PLXDC2: variants seen among roughly 807,000 people sequenced by gnomAD.
PLXDC2 encodes plexin domain containing 2, also known as plexin domain-containing protein 2.
A neutral mutation model predicts 68.9 loss-of-function variants in PLXDC2; 40 were observed. That is an observed-to-expected ratio of 0.58 (90% CI 0.45 to 0.76). The LOEUF (loss-of-function observed/expected upper bound fraction) is 0.76. Ranked by LOEUF, PLXDC2 falls within the 30% of genes least tolerant of loss-of-function variation. The pLI is 0.00. For synonymous variants in PLXDC2, 243 were observed against 234.2 expected (o/e 1.04, Z -0.34); for missense variants, 644 against 661.9 (o/e 0.97, Z 0.30).
chr10:20,103,896 G>A (rs1329237788), intron 4 of PLXDC2, among the ~76,000 whole-genome samples: 1 of 152,278 alleles, frequency 6.6e-6, no homozygotes, highest in South Asian at 2.1e-4. Context: ...GCCTGCCTTG[G>A]CCGCCCAAAG....
chr10:19,898,833 A>G (rs1589526016), intron 1 of PLXDC2, among the ~76,000 whole-genome samples: 1 of 152,188 alleles, frequency 6.6e-6, no homozygotes, highest in East Asian at 1.9e-4. Context: ...TTGAAGGGTG[A>G]ATTAAATAAA....
chr10:20,066,648 T>C (rs1836217266), intron 3 of PLXDC2, among the ~76,000 whole-genome samples: 1 of 152,154 alleles, frequency 6.6e-6, no homozygotes, highest in Admixed American at 6.5e-5. Context: ...ATAAAAGTGA[T>C]CATAAACCTT....
At chr10:20,096,967 A>G (rs968008252) in intron 4 of PLXDC2, among the ~76,000 whole-genome samples, 6 of 152,148 alleles carry the variant, frequency 3.9e-5, no homozygotes, top group African/African-American at 1.4e-4. Context: ...TAAAAATTTC[A>G]GAACAACAGT....
At chr10:20,046,280 T>G (rs1018285376) in intron 2 of PLXDC2, among the ~76,000 whole-genome samples, 1 of 152,010 alleles carries the variant, frequency 6.6e-6, no homozygotes, top group Admixed American at 6.6e-5. Context: ...GTCTTGTATA[T>G]TTAACAATTT....
At chr10:20,129,110 A>G (rs192893932) in intron 4 of PLXDC2, among the ~76,000 whole-genome samples, 1 of 152,254 alleles carries the variant, frequency 6.6e-6, no homozygotes, top group African/African-American at 2.4e-5. Flanking sequence ...ACAATGTATA[A>G]GAGTTCCCCT....
At chr10:19,948,331 G>A (rs1055765840) in intron 1 of PLXDC2, among the ~76,000 whole-genome samples, 2 of 151,214 alleles carry the variant, frequency 1.3e-5, no homozygotes, top group Non-Finnish European at 2.9e-5. Flanking sequence ...AAATAAACAA[G>A]ACTATTAACA....
chr10:20,008,940 GTCCA>G (rs1835068473), intron 2 of PLXDC2, among the ~76,000 whole-genome samples: 1 of 152,196 alleles, frequency 6.6e-6, no homozygotes, highest in South Asian at 2.1e-4. Context: ...GGAACTGTGA[GTCCA>G]TTGAATCTCT....
chr10:20,080,328 C>G (rs1190926507), intron 4 of PLXDC2, among the ~76,000 whole-genome samples: 1 of 151,500 alleles, frequency 6.6e-6, no homozygotes, highest in African/African-American at 2.4e-5. Flanking sequence ...GGAGTATTGA[C>G]TCACATGATC....
intron 1 of PLXDC2, among the ~76,000 whole-genome samples, chr10:19,948,706 C>G (rs963731016): frequency 6.6e-5 from 10 of 152,064 alleles, no homozygotes; most frequent in African/African-American, 2.4e-4. Flanking sequence ...CTCTCCAACC[C>G]TCTCTTTTCT....
chr10:20,279,973 A>G lies in PLXDC2; in HGVS notation c.*154A>G. 1 of 620,668 alleles carries G rather than the reference A, an allele frequency of 1.6e-6. No individual in the cohort carries two copies. Among genetic ancestry groups the G allele is most frequent in the Non-Finnish European group, 2.8e-6 (1 of 353,062 alleles). 38.4% of individuals were successfully genotyped at this position (620,668 alleles called of 1,614,324 possible). On this transcript the variant is annotated 3_prime_UTR_variant, in exon 14 of 14. Transcript: ENST00000377252. ...CAAGATTTCTGGACAAGCTCAGCCC[A>G]GGAAACAAAGGGTAAACAAAAAACT...
chr10:19,821,819 C>CA (rs970105471), intron 1 of PLXDC2, among the ~76,000 whole-genome samples: 2 of 152,146 alleles, frequency 1.3e-5, no homozygotes, highest in African/African-American at 4.8e-5. Flanking sequence ...GTGGGACTTT[C>CA]AAAAAATTCA....
chr10:19,851,290 C>A lies in PLXDC2; in HGVS notation c.112+34099C>A, dbSNP rs142645825. Among the ~76,000 whole-genome samples, 385 of 152,220 alleles carry A rather than the reference C, an allele frequency of 2.5e-3. 2 individuals carry two copies. Among genetic ancestry groups the A allele is most frequent in the Non-Finnish European group, 4.1e-3 (282 of 68,002 alleles). On this transcript the variant is annotated intron_variant, in intron 1 of 13. Coordinates refer to ENST00000377252, the MANE Select transcript of PLXDC2 (RefSeq NM_032812.9). ...TCTCAAGACATATTTGTTCATTTGACCTGAATTGTAGCATTTCTAGTTCTT... is the reference window on the plus strand; with the variant it reads ...TCTCAAGACATATTTGTTCATTTGAACTGAATTGTAGCATTTCTAGTTCTT...
chr10:20,058,525 C>G (rs1190225383), intron 3 of PLXDC2, among the ~76,000 whole-genome samples: 1 of 152,102 alleles, frequency 6.6e-6, no homozygotes, highest in East Asian at 1.9e-4. Context: ...AAAGCAATAC[C>G]TAGCATAGTG....
chr10:19,936,949 A>T lies in PLXDC2; in HGVS notation c.113-64826A>T, dbSNP rs199956493. Among the ~76,000 whole-genome samples, 37 of 152,358 alleles carry T rather than the reference A, an allele frequency of 2.4e-4. No homozygotes were observed. The East Asian group carries it at 5.2e-3, about 21-fold the overall frequency. On this transcript the variant is annotated intron_variant, in intron 1 of 13. Transcript: ENST00000377252. ...ATGATGGTCTTCTAAAATATTCCAG[A>T]TATTGGCAGATATCGAGAGCTCATC...
chr10:20,150,481 A>G (rs927029112), intron 6 of PLXDC2, among the ~76,000 whole-genome samples: 1 of 152,180 alleles, frequency 6.6e-6, no homozygotes, highest in Non-Finnish European at 1.5e-5. Flanking sequence ...GTGTTTTTAT[A>G]TCAGAGCCCA....
intron 2 of PLXDC2, among the ~76,000 whole-genome samples, chr10:20,023,468 G>T (rs1835348302): frequency 6.6e-6 from 1 of 152,116 alleles, no homozygotes; most frequent in South Asian, 2.1e-4. Flanking sequence ...GGCCATGAAG[G>T]TTCTGCCTCA....
chr10:20,136,690 G>C (rs1056178794), intron 4 of PLXDC2, among the ~76,000 whole-genome samples: 3 of 152,176 alleles, frequency 2.0e-5, no homozygotes, highest in Admixed American at 2.0e-4. Flanking sequence ...TAACAAAGAT[G>C]ACATATACCA....
At chr10:19,991,244 CT>C (rs1176190022) in intron 1 of PLXDC2, among the ~76,000 whole-genome samples, 10 of 130,930 alleles carry the variant, frequency 7.6e-5, no homozygotes, top group African/African-American at 3.0e-4. Context: ...GAAACTCTCT[CT>C]CAAAAAAAAA....
intron 1 of PLXDC2, among the ~76,000 whole-genome samples, chr10:19,850,602 C>T (rs1362221486): frequency 6.6e-6 from 1 of 152,180 alleles, no homozygotes; most frequent in Non-Finnish European, 1.5e-5. Flanking sequence ...ACCACTTACA[C>T]ACCCATACTA....
Sources: gnomAD v4.1 joint callset for allele counts (sites outside exome capture counted in the v4.1 genomes callset) on GRCh38, gnomAD v4.1.1 for gene constraint, MANE v1.5 for transcripts, NCBI Gene and HGNC (gene_info 2026-07-23, HGNC 2026-07-21) for gene names.